The following NOCT variants were observed in gnomAD, a reference collection of about 807,000 sequenced individuals.
NOCT encodes CCR4 carbon catabolite repression 4-like.
In NOCT, 18 loss-of-function variants were observed where a neutral mutation model predicts 35.0. The observed-to-expected ratio is 0.51, with a 90% CI of 0.36 to 0.76. NOCT has a LOEUF of 0.76. Ranked by LOEUF, NOCT falls within the 30% of genes least tolerant of loss-of-function variation. NOCT has a pLI of 0.01. For synonymous variants in NOCT, 235 were observed against 226.3 expected (o/e 1.04, Z -0.34); for missense variants, 479 against 541.0 (o/e 0.89, Z 1.14).
chr4:139,042,983 C>T (rs917834199), intron 1 of NOCT, 91 bp from the exon 2 acceptor site: 13 of 1,189,212 alleles, frequency 1.1e-5, no homozygotes, highest in South Asian at 1.5e-5. Context: ...CTCCTGGTTT[C>T]GGTGGACAGT....
At chr4:139,041,722 A>C (rs141463546) in intron 1 of NOCT, among the ~76,000 whole-genome samples, 8 of 152,192 alleles carry the variant, frequency 5.3e-5, no homozygotes, top group Non-Finnish European at 1.2e-4. Context: ...AACTCATGAG[A>C]AGGTAGTGCC....
intron 1 of NOCT, among the ~76,000 whole-genome samples, chr4:139,024,550 G>C (rs1184418591): frequency 6.6e-6 from 1 of 151,938 alleles, no homozygotes; most frequent in African/African-American, 2.4e-5. Context: ...TCTCCTTTAG[G>C]CCTCTTTCCT....
chr4:139,042,673 T>C (rs1157815245), intron 1 of NOCT, among the ~76,000 whole-genome samples: 1 of 152,108 alleles, frequency 6.6e-6, no homozygotes, highest in Non-Finnish European at 1.5e-5. Context: ...CCCAGCACTT[T>C]GGGAGGCCGA....
chr4:139,038,330 A>G lies in NOCT; in HGVS notation c.191-4744A>G, dbSNP rs111409066. 3.3e-5 allele frequency among the ~76,000 whole-genome samples: 5 copies of G among 152,328 alleles called. No individual in the cohort carries two copies. The South Asian group carries it at 1.0e-3, about 32-fold the overall frequency. ...AGGCCTTAGAATTTGGTCACGCTGC[A>G]GTATATCCTGCATCTCAAAAGCTTT... On this transcript the variant is annotated intron_variant, in intron 1 of 2. Transcript: ENST00000280614.
chr4:139,023,326 G>A (rs1324931038), intron 1 of NOCT, among the ~76,000 whole-genome samples: 2 of 152,132 alleles, frequency 1.3e-5, no homozygotes, highest in African/African-American at 4.8e-5. Flanking sequence ...TGCAAAGTAA[G>A]TTACACTGCA....
At chr4:139,020,766 C>A (rs1245331386) in intron 1 of NOCT, among the ~76,000 whole-genome samples, 1 of 152,036 alleles carries the variant, frequency 6.6e-6, no homozygotes, top group East Asian at 1.9e-4. Flanking sequence ...TCTGGAAGAG[C>A]CTTAAGACCT....
At chr4:139,017,288 C>T (rs1459427272) in intron 1 of NOCT, among the ~76,000 whole-genome samples, 15 of 138,080 alleles carry the variant, frequency 1.1e-4, no homozygotes, top group African/African-American at 4.0e-4. Context: ...AGTGCAATGG[C>T]GCGATCTCGG....
At chr4:139,036,010 T>C (rs1238091169) in intron 1 of NOCT, among the ~76,000 whole-genome samples, 2 of 152,176 alleles carry the variant, frequency 1.3e-5, no homozygotes, top group Non-Finnish European at 2.9e-5. Flanking sequence ...TATCCAATAA[T>C]AGCTCCCTGC....
At chr4:139,022,638 A>G (rs1163855158) in intron 1 of NOCT, among the ~76,000 whole-genome samples, 1 of 152,150 alleles carries the variant, frequency 6.6e-6, no homozygotes, top group African/African-American at 2.4e-5. Flanking sequence ...TAAGTCTCTC[A>G]GTGATGTGAT....
intron 1 of NOCT, among the ~76,000 whole-genome samples, chr4:139,039,358 G>C (rs533139121): frequency 1.9e-5 from 1 of 52,360 alleles, no homozygotes; most frequent in South Asian, 1.1e-3. Flanking sequence ...GTTGAAGTCT[G>C]ATGACAATCT....
In NOCT at chr4:139,016,089, TG is replaced by T; in HGVS notation, c.109del (p.Ala37LeufsTer46). On this transcript the variant is annotated frameshift_variant, in exon 1 of 3. Coordinates refer to ENST00000280614, the MANE Select transcript of NOCT (RefSeq NM_012118.4). LOFTEE classifies it high-confidence loss of function. ...TGCGCCGCCCGTTGTCCCCGCCGGC[TG>T]CTGTTCCCAGGCCCGCATCCCCCCG... is the stretch of plus-strand genomic sequence containing the variant. ...GLRRPLSPPA[A>X]VPRPASPRLL... 7.2e-7 allele frequency: 1 copy of T among 1,390,628 alleles called. No homozygotes were observed. The highest frequency in any genetic ancestry group is 1.6e-5 in the South Asian group (1 of 62,718). 86.1% of individuals were successfully genotyped at this position (1,390,628 alleles called of 1,614,324 possible). A position where few individuals can be genotyped will look rare whatever the true frequency, so the allele number is the denominator to read the frequency against.
intron 1 of NOCT, among the ~76,000 whole-genome samples, chr4:139,034,981 C>T (rs186959628): frequency 6.6e-6 from 1 of 152,310 alleles, no homozygotes; most frequent in African/African-American, 2.4e-5. Flanking sequence ...ATTAACATCT[C>T]CCAATGTTTG....
chr4:139,026,853 TTTTTTTTTC>T (rs1726526943), intron 1 of NOCT, among the ~76,000 whole-genome samples: 3 of 143,890 alleles, frequency 2.1e-5, no homozygotes, highest in African/African-American at 8.1e-5. Flanking sequence ...TCCCTGGCCT[TTTTTTTTTC>T]TTTTTTTTTT....
At chr4:139,033,112 C>T (rs1232617115) in intron 1 of NOCT, among the ~76,000 whole-genome samples, 1 of 152,000 alleles carries the variant, frequency 6.6e-6, no homozygotes, top group Non-Finnish European at 1.5e-5. Flanking sequence ...CACCTGTAAT[C>T]CCAGTACTTT....
Position 139,044,860 on chromosome 4 carries a change from GAACAC to G in NOCT, c.687_691del (p.His229GlnfsTer24), listed in dbSNP as rs747132709. The G allele has an allele frequency of 1.2e-6, 2 of 1,614,130 alleles. No individual in the cohort carries two copies. The highest frequency in any genetic ancestry group is 1.7e-6 in the Non-Finnish European group (2 of 1,180,004). ...ACCCTGGTCACCTTGTCTAGATGTAGAACACAACAATGGACCAGATGGTTGTGCCT... is the reference window on the plus strand; with the variant it reads ...ACCCTGGTCACCTTGTCTAGATGTAGAACAATGGACCAGATGGTTGTGCCT... On this transcript the variant is annotated frameshift_variant, in exon 3 of 3. Transcript: ENST00000280614. LOFTEE classifies it high-confidence loss of function.
intron 1 of NOCT, among the ~76,000 whole-genome samples, chr4:139,016,735 C>A (rs1318598837): frequency 6.7e-6 from 1 of 149,016 alleles, no homozygotes; most frequent in South Asian, 2.1e-4. Flanking sequence ...CTTACCGCAA[C>A]CTCCCGCTCC....
chr4:139,035,678 A>G (rs1726717718), intron 1 of NOCT, among the ~76,000 whole-genome samples: 1 of 152,198 alleles, frequency 6.6e-6, no homozygotes, highest in Non-Finnish European at 1.5e-5. Flanking sequence ...CAAAATGTCA[A>G]TCAGATTCTC....
Position 139,026,938 on chromosome 4 carries a change from C to T in NOCT, c.190+10767C>T, listed in dbSNP as rs1392790057. 2.7e-4 allele frequency among the ~76,000 whole-genome samples: 2 copies of T among 7,346 alleles called. 1 individual carries two copies. The highest frequency in any genetic ancestry group is 3.9e-4 in the African/African-American group (2 of 5,186). 4.8% of individuals were successfully genotyped at this position (7,346 alleles called of 152,430 possible). A position where few individuals can be genotyped will look rare whatever the true frequency, so the allele number is the denominator to read the frequency against. ...TCGCCCAGGCTGGAGTGCAGTGGCG[C>T]GATCTCGGCTCACTGCAAGCTTCGC... On this transcript the variant is annotated intron_variant, in intron 1 of 2. Transcript: ENST00000280614.
chr4:139,015,969 G>T lies in NOCT; in HGVS notation c.-13G>T. ...CGGGCGCGCGAGGGGCCGTGGTGGCGGCGGCGCCCGGCATGTTTCATAGTC... is the reference window on the plus strand; with the variant it reads ...CGGGCGCGCGAGGGGCCGTGGTGGCTGCGGCGCCCGGCATGTTTCATAGTC... On this transcript the variant is annotated 5_prime_UTR_variant, in exon 1 of 3. Coordinates refer to ENST00000280614, the MANE Select transcript of NOCT (RefSeq NM_012118.4). 3 of 1,343,558 alleles carry T rather than the reference G, an allele frequency of 2.2e-6. No homozygotes were observed. Among genetic ancestry groups the T allele is most frequent in the East Asian group, 6.4e-5 (2 of 31,390 alleles). The allele number at this position is 1,343,558 out of a possible 1,614,324, so 83.2% of individuals were successfully genotyped here. A position where few individuals can be genotyped will look rare whatever the true frequency, so the allele number is the denominator to read the frequency against.
Sources: gnomAD v4.1 joint callset for allele counts (sites outside exome capture counted in the v4.1 genomes callset) on GRCh38, gnomAD v4.1.1 for gene constraint, MANE v1.5 for transcripts, NCBI Gene and HGNC (gene_info 2026-07-23, HGNC 2026-07-21) for gene names.